Variants in TACC2 observed in about 807,000 individuals in gnomAD.
The protein encoded by TACC2 is transforming acidic coiled-coil containing protein 2.
In TACC2, 137 loss-of-function variants were observed where a neutral mutation model predicts 227.3. The observed-to-expected ratio is 0.60, with a 90% CI of 0.52 to 0.69. The LOEUF (loss-of-function observed/expected upper bound fraction) is 0.69, where lower values mean the gene tolerates loss of function less well. TACC2 is among the 30% of genes least tolerant of loss of function. The pLI is 0.00. For synonymous variants in TACC2, 1,523 were observed against 1,487.5 expected, an observed-to-expected ratio of 1.02 and a Z score of -0.55; for missense variants, 3,470 against 3,694.4, an observed-to-expected ratio of 0.94 and a Z score of 1.57.
chr10:122,236,993 A>G (rs997073225), intron 16 of TACC2, among the ~76,000 whole-genome samples: 1 of 152,242 alleles, frequency 6.6e-6, no homozygotes, highest in African/African-American at 2.4e-5. Context: ...CTAGGAAAAC[A>G]TAGACTAGAA....
At chr10:122,174,199 C>T (rs1012547500) in intron 7 of TACC2, among the ~76,000 whole-genome samples, 8 of 152,220 alleles carry the variant, frequency 5.3e-5, no homozygotes, top group African/African-American at 1.4e-4. Context: ...ACCAACAAGA[C>T]AGGTGGCCTA....
chr10:122,000,266 C>A (rs1954124825), intron 1 of TACC2, among the ~76,000 whole-genome samples: 1 of 152,156 alleles, frequency 6.6e-6, no homozygotes, highest in Non-Finnish European at 1.5e-5. Flanking sequence ...GTAGTCCCAG[C>A]TACTCGCAAG....
intron 7 of TACC2, among the ~76,000 whole-genome samples, chr10:122,178,409 G>A (rs772869539): frequency 6.6e-6 from 1 of 151,900 alleles, no homozygotes; most frequent in Non-Finnish European, 1.5e-5. Flanking sequence ...GCTAAGTTTT[G>A]TATTTTTAGT....
Position 122,117,879 on chromosome 10 carries a change from ATCT to A in TACC2, c.5574-14728_5574-14726del, listed in dbSNP as rs2084994107. ...GCTAGGCCATATGGCCATCAATAGG[ATCT>A]TTTTTCTTCCTCCTTTTATACCCAG... On this transcript the variant is annotated intron_variant, in intron 5 of 22. Coordinates refer to ENST00000369005, the MANE Select transcript of TACC2 (RefSeq NM_206862.4). 1.3e-5 allele frequency among the ~76,000 whole-genome samples: 2 copies of A among 152,016 alleles called. 1 individual carries two copies. Among genetic ancestry groups the A allele is most frequent in the Non-Finnish European group, 2.9e-5 (2 of 68,002 alleles).
In TACC2 at chr10:122,176,117, C is replaced by CTATATATATATATA. The variant is rs35172894; in HGVS notation, c.5835-18907_5835-18894dup. ...TCTCTCTCTCTCTCTCTCTCTCTCTCTATATATATATATATATATATATAT... is the reference window on the plus strand; with the variant it reads ...TCTCTCTCTCTCTCTCTCTCTCTCTCTATATATATATATATATATATATATATATATATATATAT... On this transcript the variant is annotated intron_variant, in intron 7 of 22. Transcript: ENST00000369005. Among the ~76,000 whole-genome samples the CTATATATATATATA allele has an allele frequency of 1.8e-4, 10 of 54,652 alleles. 1 individual carries two copies. Among genetic ancestry groups the CTATATATATATATA allele is most frequent in the East Asian group, 1.4e-3 (3 of 2,082 alleles). 35.9% of individuals were successfully genotyped at this position (54,652 alleles called of 152,430 possible). A position where few individuals can be genotyped will look rare whatever the true frequency, so the allele number is the denominator to read the frequency against.
chr10:122,176,111 C>CTA (rs1277849862), intron 7 of TACC2, among the ~76,000 whole-genome samples: 95 of 62,338 alleles, frequency 1.5e-3, no homozygotes, highest in Non-Finnish European at 2.1e-3. Context: ...CTCTCTCTCT[C>CTA]TCTCTCTATA....
intron 7 of TACC2, among the ~76,000 whole-genome samples, chr10:122,166,657 G>A (rs1047500024): frequency 1.3e-5 from 2 of 152,248 alleles, no homozygotes; most frequent in Middle Eastern, 3.4e-3. Flanking sequence ...TTTCATCCAG[G>A]GACTTGTAAA....
At chr10:122,007,874 G>A (rs1331202960) in intron 1 of TACC2, among the ~76,000 whole-genome samples, 1 of 152,100 alleles carries the variant, frequency 6.6e-6, no homozygotes, top group Admixed American at 6.6e-5. Context: ...ATAGATTAAT[G>A]GGTCATGATG....
intron 3 of TACC2, among the ~76,000 whole-genome samples, chr10:122,072,977 G>C (rs1209444935): frequency 2.0e-5 from 3 of 151,448 alleles, no homozygotes; most frequent in African/African-American, 7.3e-5. Context: ...GCCAGGCGTG[G>C]TGGCGCGGGC....
At position 122,195,174 on chromosome 10, in the gene TACC2, C is replaced by A; in HGVS notation, c.5969C>A (p.Pro1990Gln). The A allele has an allele frequency of 6.2e-7, 1 of 1,608,046 alleles. No individual in the cohort carries two copies. The highest frequency in any genetic ancestry group is 1.1e-5 in the South Asian group (1 of 90,332). The part of the protein sequence containing the change: ...EVSTQPPPEE[P>Q]GCGSETVPVP... The stretch of plus-strand genomic sequence containing the variant: ...AGCACACAGCCACCCCCGGAAGAAC[C>A]AGGTAACCAAGGGCAGGGAGGCCCC... The change falls in exon 8 of 23, where the codon CCA becomes CAA. Residue 1990 changes from proline (P) to glutamine (Q), a missense_variant and splice_region_variant. Physicochemically the swap from Pro to Gln is moderately conservative, Grantham distance 76 (BLOSUM62 -1). Coordinates refer to ENST00000369005, the MANE Select transcript of TACC2 (RefSeq NM_206862.4).
chr10:122,218,361 T>C (rs1222605998), intron 11 of TACC2, among the ~76,000 whole-genome samples: 1 of 152,164 alleles, frequency 6.6e-6, no homozygotes, highest in African/African-American at 2.4e-5. Flanking sequence ...AACGGCTTCC[T>C]CCCTGTCTGA....
rs761870489 is a variant in TACC2, at chr10:122,050,480, G to A, written c.76G>A (p.Gly26Arg). ...GACTCCAAGGTCCGCGCAGCCACCC[G>A]GGAACAGTCAGAATATAAAAAGGAA... ...AQTPRSAQPP[G>R]NSQNIKRKQQ... Residue 26 changes from glycine to arginine, a missense_variant, in exon 3 of 23, where the codon GGG becomes AGG. Physicochemically the swap from Gly to Arg is moderately radical, Grantham distance 125. Transcript: ENST00000369005. This position sits in a 1 kb window ranked among gnomAD's most constrained non-coding sequence, Gnocchi z 4.6. 3.7e-6 allele frequency: 6 copies of A among 1,613,882 alleles called. No homozygotes were observed. Among genetic ancestry groups the A allele is most frequent in the Admixed American group, 1.7e-5 (1 of 59,974 alleles).
chr10:122,037,279 C>T (rs1591337148), intron 2 of TACC2, among the ~76,000 whole-genome samples: 1 of 152,206 alleles, frequency 6.6e-6, no homozygotes, highest in Non-Finnish European at 1.5e-5. Flanking sequence ...GGTGAGGGCT[C>T]AGTTTTGTAG....
At chr10:122,120,998 G>A (rs147378397) in intron 5 of TACC2, among the ~76,000 whole-genome samples, 135 of 152,238 alleles carry the variant, frequency 8.9e-4, no homozygotes, top group South Asian at 4.0e-3. Context: ...GACCTCAGGT[G>A]ATTTGCCCTC....
chr10:122,210,959 C>G lies in TACC2; in HGVS notation c.6534C>G (p.Ala2178=). The G allele has an allele frequency of 6.2e-7, 1 of 1,613,996 alleles. No homozygotes were observed. Among genetic ancestry groups the G allele is most frequent in the Non-Finnish European group, 8.5e-7 (1 of 1,179,972 alleles). ...CATCTGAGACGAAAACGGAATCTGC[C>G]AAGACGGAAGGTCCTAGCCCAGCCT... ...NLASETKTES[A]KTEGPSPALL... is the part of the protein sequence containing the mutation. Residue 2178 remains alanine, a synonymous_variant, in exon 9 of 23, where the codon GCC becomes GCG. Coordinates refer to ENST00000369005, the MANE Select transcript of TACC2 (RefSeq NM_206862.4). The surrounding 1 kb of genome is among the most constrained non-coding windows in gnomAD (Gnocchi z 4.6).
intron 5 of TACC2, among the ~76,000 whole-genome samples, chr10:122,130,689 C>T (rs977465577): frequency 1.3e-5 from 2 of 152,226 alleles, no homozygotes; most frequent in Non-Finnish European, 2.9e-5. Context: ...CACTTAGCTG[C>T]TGTTCAACCT....
At chr10:122,168,538 G>C (rs2140002895) in intron 7 of TACC2, among the ~76,000 whole-genome samples, 1 of 152,266 alleles carries the variant, frequency 6.6e-6, no homozygotes, top group South Asian at 2.1e-4. Context: ...GGACTTGCCT[G>C]GAGGCTTTCT....
chr10:122,149,578 C>A (rs1203923998), intron 7 of TACC2, among the ~76,000 whole-genome samples: 1 of 152,142 alleles, frequency 6.6e-6, no homozygotes, highest in African/African-American at 2.4e-5. Context: ...AGAGTTTTTC[C>A]TGCGCAGGAG....
chr10:122,066,992 C>CTA (rs1326847063), intron 3 of TACC2, among the ~76,000 whole-genome samples: 6 of 152,088 alleles, frequency 3.9e-5, no homozygotes, highest in African/African-American at 1.4e-4. Flanking sequence ...AGACTTTGTT[C>CTA]TATTTGGTCT....
Sources: allele counts gnomAD v4.1 joint callset (sites outside exome capture counted in the v4.1 genomes callset), GRCh38; gene constraint gnomAD v4.1.1; non-coding constraint Gnocchi (gnomAD v3.1); transcripts MANE v1.5; gene names NCBI Gene and HGNC (gene_info 2026-07-23, HGNC 2026-07-21).